The following RAB23 variants were observed in gnomAD, a reference collection of about 807,000 sequenced individuals.
RAB23 encodes ras-related protein Rab-23.
Under a neutral mutation model 30.0 loss-of-function variants are expected in RAB23, and 15 were observed. That is an observed-to-expected ratio of 0.50 (90% CI 0.33 to 0.77). RAB23 has a LOEUF of 0.77. Ranked by LOEUF, RAB23 falls within the 30% of genes least tolerant of loss-of-function variation. RAB23 has a pLI of 0.02. For missense variants in RAB23, 243 were observed against 275.4 expected (o/e 0.88, Z 0.83); for synonymous variants, 93 against 94.0 (o/e 0.99, Z 0.06).
chr6:57,217,034 A>C (rs1318857957), intron 1 of RAB23, among the ~76,000 whole-genome samples: 2 of 151,286 alleles, frequency 1.3e-5, no homozygotes, highest in Non-Finnish European at 2.9e-5. Flanking sequence ...AGATCTACTG[A>C]CCTCCTGTCT....
chr6:57,215,953 G>C (rs1217103696), intron 1 of RAB23, among the ~76,000 whole-genome samples: 2 of 152,148 alleles, frequency 1.3e-5, no homozygotes, highest in African/African-American at 4.8e-5. Context: ...AAATTATGGG[G>C]ATAAATCACA....
At chr6:57,194,684 A>C (rs1362853679) in intron 5 of RAB23, 86 bp downstream of exon 5, 6 of 1,011,104 alleles carry the variant, frequency 5.9e-6, no homozygotes, top group East Asian at 2.6e-5. Context: ...TGTTCTCGTT[A>C]TAAATATAAT....
intron 1 of RAB23, among the ~76,000 whole-genome samples, chr6:57,219,316 C>T (rs1256410279): frequency 6.6e-6 from 1 of 152,112 alleles, no homozygotes; most frequent in Non-Finnish European, 1.5e-5. Context: ...CTACAAAACA[C>T]TAAACAAATC....
chr6:57,210,042 G>C (rs1765593479), intron 2 of RAB23, among the ~76,000 whole-genome samples, 184 bp downstream of exon 2: 1 of 147,082 alleles, frequency 6.8e-6, no homozygotes, highest in South Asian at 2.1e-4. Context: ...AAGAAGGGAA[G>C]AGATGAAAGA....
chr6:57,217,293 A>C (rs1765883506), intron 1 of RAB23, among the ~76,000 whole-genome samples: 1 of 152,064 alleles, frequency 6.6e-6, no homozygotes, highest in South Asian at 2.1e-4. Context: ...TAGTGCTGAA[A>C]TGGGAAAATA....
At chr6:57,205,868 C>T (rs1349885133) in intron 3 of RAB23, among the ~76,000 whole-genome samples, 1 of 152,142 alleles carries the variant, frequency 6.6e-6, no homozygotes, top group African/African-American at 2.4e-5. Context: ...TTTTCACTGA[C>T]TATTTTCTCA....
chr6:57,211,996 A>C (rs1765675383), intron 1 of RAB23, among the ~76,000 whole-genome samples: 1 of 152,242 alleles, frequency 6.6e-6, no homozygotes, highest in Non-Finnish European at 1.5e-5. Flanking sequence ...AGTGATCATA[A>C]GAATCACCTA....
At chr6:57,209,087 C>T (rs1414555911) in intron 2 of RAB23, among the ~76,000 whole-genome samples, 1 of 152,036 alleles carries the variant, frequency 6.6e-6, no homozygotes, top group Non-Finnish European at 1.5e-5. Context: ...GCAAAATCAC[C>T]AAGAAAAAGC....
chr6:57,211,270 T>C (rs993757703), intron 1 of RAB23, among the ~76,000 whole-genome samples: 2 of 151,814 alleles, frequency 1.3e-5, no homozygotes, highest in Non-Finnish European at 2.9e-5. Flanking sequence ...GGGCAACATA[T>C]AGAGACCCAG....
intron 1 of RAB23, among the ~76,000 whole-genome samples, chr6:57,218,116 C>T (rs1765916360): frequency 1.3e-5 from 2 of 152,280 alleles, no homozygotes; most frequent in African/African-American, 4.8e-5. Context: ...CAGGATCAGG[C>T]AGTTTCACTG....
chr6:57,196,112 T>C (rs748838920), intron 4 of RAB23, among the ~76,000 whole-genome samples: 1 of 152,152 alleles, frequency 6.6e-6, no homozygotes, highest in Non-Finnish European at 1.5e-5. Context: ...TATTACAAAA[T>C]CTAGGGATGC....
At chr6:57,216,841 T>TTTATAAGCGGCAC (rs1765859590) in intron 1 of RAB23, among the ~76,000 whole-genome samples, 2 of 152,244 alleles carry the variant, frequency 1.3e-5, no homozygotes, top group Non-Finnish European at 1.5e-5. Flanking sequence ...TGCCGCGGCA[T>TTTATAAGCGGCAC]TTATAAATTG....
intron 3 of RAB23, among the ~76,000 whole-genome samples, chr6:57,199,011 T>A (rs1051090175): frequency 6.6e-6 from 1 of 152,174 alleles, no homozygotes; most frequent in African/African-American, 2.4e-5. Flanking sequence ...CAGAGAAATG[T>A]GGGAATGTGC....
intron 3 of RAB23, among the ~76,000 whole-genome samples, chr6:57,199,379 T>C (rs1223396843): frequency 2.0e-5 from 3 of 152,208 alleles, no homozygotes; most frequent in African/African-American, 7.2e-5. Context: ...CTGGTTTTTC[T>C]CCCTTCCTTG....
At chr6:57,206,876 T>C (rs1247868298) in intron 3 of RAB23, among the ~76,000 whole-genome samples, 1 of 152,204 alleles carries the variant, frequency 6.6e-6, no homozygotes, top group East Asian at 1.9e-4. Flanking sequence ...TCCCACAGCA[T>C]CTGCGAAATG....
rs1764717273 is a variant in RAB23 at position 57,188,822 on chromosome 6, CAAAG to C, written c.*1635_*1638del. On this transcript the variant is annotated 3_prime_UTR_variant, in exon 7 of 7. Coordinates refer to ENST00000468148, the MANE Select transcript of RAB23 (RefSeq NM_016277.5). ...TTTTTTATTTTTCCATCTAAAATGG[CAAAG>C]AGAACATTTACTTTTGATCACTTAA... 1 of 151,850 alleles carries C rather than the reference CAAAG, an allele frequency of 6.6e-6. No homozygotes were observed. 9.4% of individuals were successfully genotyped at this position (151,850 alleles called of 1,614,324 possible). A position where few individuals can be genotyped will look rare whatever the true frequency, so the allele number is the denominator to read the frequency against.
intron 3 of RAB23, among the ~76,000 whole-genome samples, chr6:57,207,188 C>T (rs1471977536): frequency 6.6e-6 from 1 of 152,228 alleles, no homozygotes; most frequent in Non-Finnish European, 1.5e-5. Context: ...TGGTTCCTTC[C>T]TTTCACAGGT....
chr6:57,190,463 AG>A lies in RAB23; in HGVS notation c.711del (p.Ter238LysfsTer9). On this transcript the variant is annotated frameshift_variant, in exon 7 of 7. Coordinates refer to ENST00000468148, the MANE Select transcript of RAB23 (RefSeq NM_016277.5). LOFTEE classifies it high-confidence loss of function. ...NRNPFSSCSI[P>X] Reference sequence around the variant, plus strand: ...AATTGTTTTCCTCCCAAAACATCTTAGGGTATGCTACAGCTGCTAAAAGGAT... The same window carrying A: ...AATTGTTTTCCTCCCAAAACATCTTAGGTATGCTACAGCTGCTAAAAGGAT... The A allele has an allele frequency of 6.2e-7, 1 of 1,614,062 alleles. No homozygotes were observed. Among genetic ancestry groups the A allele is most frequent in the East Asian group, 2.2e-5 (1 of 44,874 alleles).
At chr6:57,208,058 A>C (rs932627319) in intron 2 of RAB23, among the ~76,000 whole-genome samples, 7 of 152,198 alleles carry the variant, frequency 4.6e-5, no homozygotes, top group African/African-American at 1.4e-4. Context: ...AACCTTCCTG[A>C]GTCAGAGACC....
Sources: allele counts gnomAD v4.1 joint callset (sites outside exome capture counted in the v4.1 genomes callset), GRCh38; gene constraint gnomAD v4.1.1; transcripts MANE v1.5; gene names NCBI Gene and HGNC (gene_info 2026-07-23, HGNC 2026-07-21).